TPO: variants seen among roughly 807,000 people sequenced by gnomAD.
The protein encoded by TPO is thyroid microsomal antigen.
A neutral mutation model predicts 96.9 loss-of-function variants in TPO; 78 were observed. That is an observed-to-expected ratio of 0.81 (90% CI 0.67 to 0.97). The LOEUF (loss-of-function observed/expected upper bound fraction) is 0.97, where lower values mean the gene tolerates loss of function less well. Ranked by LOEUF, TPO falls within the 50% of genes least tolerant of loss-of-function variation. The probability of loss-of-function intolerance (pLI) is 0.00; values close to 1 mark genes in which losing one functional copy is unlikely to be tolerated. For missense variants in TPO, 1,252 were observed against 1,274.8 expected, an observed-to-expected ratio of 0.98 and a Z score of 0.27; for synonymous variants, 547 against 538.0, an observed-to-expected ratio of 1.02 and a Z score of -0.23.
rs1219836766 is a variant in TPO at position 1,388,219 on chromosome 2, C to G, written n.180+13817C>G. ...ATCACAAACTCCATGCTGGGAGAAC[C>G]ATTACTCTCTTCAAACCTGTCAGAC... On this transcript the variant is annotated intron_variant and non_coding_transcript_variant, in intron 1 of 5. Transcript: ENST00000497517. 3.3e-5 allele frequency among the ~76,000 whole-genome samples: 5 copies of G among 152,326 alleles called. No homozygotes were observed. In the East Asian group the frequency reaches 7.7e-4, roughly 24 times the overall value.
intron 14 of TPO, among the ~76,000 whole-genome samples, chr2:1,505,343 T>A (rs1472097201): frequency 6.7e-6 from 1 of 148,600 alleles, no homozygotes; most frequent in Non-Finnish European, 1.5e-5. Context: ...CCCACCAGCT[T>A]GTGTCAGGCA....
intron 15 of TPO, among the ~76,000 whole-genome samples, chr2:1,531,682 T>G (rs1305615008): frequency 1.2e-5 from 1 of 80,146 alleles, no homozygotes; most frequent in Admixed American, 1.6e-4. Context: ...TCTCCCCAAA[T>G]CCCGCCCACT....
At chr2:1,399,207 C>T (rs1662129246) in intron 1 of TPO, among the ~76,000 whole-genome samples, 1 of 152,210 alleles carries the variant, frequency 6.6e-6, no homozygotes, top group Non-Finnish European at 1.5e-5. Flanking sequence ...TGTCCAGCCC[C>T]CCCGAGGGAG....
At chr2:1,538,103 CAA>C (rs1680278501) in intron 15 of TPO, among the ~76,000 whole-genome samples, 3 of 103,552 alleles carry the variant, frequency 2.9e-5, no homozygotes, top group Middle Eastern at 3.9e-3. Flanking sequence ...CCACTGTGTG[CAA>C]CCTCCTCAAA....
chr2:1,516,906 A>C lies in TPO; in HGVS notation c.2542A>C (p.Thr848Pro). 1 of 1,613,936 alleles carries C rather than the reference A, an allele frequency of 6.2e-7. No homozygotes were observed. The highest frequency in any genetic ancestry group is 8.5e-7 in the Non-Finnish European group (1 of 1,180,020). The part of the protein sequence containing the change: ...CVDSGRLPRV[T>P]WISMSLAALL... ...AGACTCCGGGAGGCTCCCTCGGGTG[A>C]CTTGGATCTCCATGTCGCTGGCTGC... The change falls in exon 15 of 17, where the codon ACT becomes CCT. Residue 848 changes from threonine to proline, a missense_variant. By Grantham distance (38) the Thr-to-Pro change is conservative (BLOSUM62 -1). Transcript: ENST00000329066.
At chr2:1,477,890 A>G (rs1426967301) in intron 8 of TPO, 1 of 985,280 alleles carries the variant, frequency 1.0e-6, no homozygotes, top group Non-Finnish European at 1.2e-6. Flanking sequence ...CTTACCCTCC[A>G]GCCGGCTGGT....
intron 15 of TPO, among the ~76,000 whole-genome samples, chr2:1,527,739 C>A: frequency 6.8e-6 from 1 of 147,368 alleles, no homozygotes; most frequent in African/African-American, 2.5e-5. Flanking sequence ...CACCAAATTT[C>A]TCCCACTCTG....
intron 5 of TPO, 147 bp downstream of exon 5, chr2:1,436,531 C>T (rs1448058313): frequency 1.6e-6 from 2 of 1,215,148 alleles, no homozygotes; most frequent in Admixed American, 4.0e-5. Context: ...CCCGACATGG[C>T]CTCCTGCATG....
chr2:1,386,154 A>G (rs1348369151), intron 1 of TPO, among the ~76,000 whole-genome samples: 1 of 152,146 alleles, frequency 6.6e-6, no homozygotes, highest in Non-Finnish European at 1.5e-5. Flanking sequence ...ATTTTGGAAT[A>G]GGTGCGGGTG....
chr2:1,436,178 A>G, intron 4 of TPO, 74 bp from the exon 5 acceptor site: 1 of 1,611,086 alleles, frequency 6.2e-7, no homozygotes, highest in Non-Finnish European at 8.5e-7. Context: ...GTCACTTTTG[A>G]GACTGCAATA....
intron 7 of TPO, among the ~76,000 whole-genome samples, chr2:1,470,658 A>T (rs563390333): frequency 9.9e-5 from 15 of 152,220 alleles, no homozygotes; most frequent in South Asian, 6.2e-4. Context: ...AGTAACATTT[A>T]AAAAAGCCAT....
intron 14 of TPO, among the ~76,000 whole-genome samples, chr2:1,507,089 AGCTTTCTACATATG>A (rs2125022206): frequency 6.6e-6 from 1 of 152,284 alleles, no homozygotes; most frequent in South Asian, 2.1e-4. Flanking sequence ...ATCCAGTTTC[AGCTTTCTACATATG>A]GCTAGCCAGT....
chr2:1,426,250 T>A (rs1362026697), intron 3 of TPO, among the ~76,000 whole-genome samples: 6 of 142,674 alleles, frequency 4.2e-5, no homozygotes, highest in Non-Finnish European at 7.6e-5. Flanking sequence ...GAGGTGAGTT[T>A]GATCATTTCA....
At chr2:1,440,034 G>T (rs1665989263) in intron 5 of TPO, among the ~76,000 whole-genome samples, 1 of 152,154 alleles carries the variant, frequency 6.6e-6, no homozygotes, top group African/African-American at 2.4e-5. Flanking sequence ...ACCAGCACCT[G>T]GTTCCCCACC....
At chr2:1,528,251 A>G (rs557740064) in intron 15 of TPO, among the ~76,000 whole-genome samples, 402 of 39,702 alleles carry the variant, frequency 0.01, 7 homozygotes, top group African/African-American at 0.039. Context: ...AATCCCCCCA[A>G]TGTAGGCAAC....
Position 1,456,140 on chromosome 2 carries a change from A to C in TPO, c.677A>C (p.Tyr226Ser), listed in dbSNP as rs1375982687. 1.2e-6 allele frequency: 2 copies of C among 1,614,110 alleles called. No individual in the cohort carries two copies. Among genetic ancestry groups the C allele is most frequent in the Non-Finnish European group, 1.7e-6 (2 of 1,180,038 alleles). The change falls in exon 7 of 17, where the codon TAT becomes TCT. Residue 226 changes from tyrosine (Y) to serine (S), a missense_variant. Physicochemically the swap from Tyr to Ser is moderately radical, Grantham distance 144. Transcript: ENST00000329066. ...GAGGTTGTCACAGATGATGACCGCT[A>C]TTCTGACCTCCTGATGGCATGGGGA... ...SNEVVTDDDR[Y>S]SDLLMAWGQY... is the part of the protein sequence containing the mutation.
At chr2:1,537,470 T>TCAAATACCCCCGTGTGCAACCTCCC (rs1480411869) in intron 15 of TPO, among the ~76,000 whole-genome samples, 1 of 46,440 alleles carries the variant, frequency 2.2e-5, no homozygotes, top group Admixed American at 2.5e-4. Flanking sequence ...TGCAACCTCC[T>TCAAATACCCCCGTGTGCAACCTCCC]CAAATTCTTC....
chr2:1,392,309 T>C (rs1662013657), intron 1 of TPO, among the ~76,000 whole-genome samples: 1 of 152,210 alleles, frequency 6.6e-6, no homozygotes, highest in Non-Finnish European at 1.5e-5. Flanking sequence ...ATTATGTTCA[T>C]TGATTTGCAT....
intron 1 of TPO, among the ~76,000 whole-genome samples, chr2:1,384,388 G>T (rs60565046): frequency 0.11 from 16,129 of 151,948 alleles, 1,645 homozygotes; most frequent in African/African-American, 0.27. Flanking sequence ...TTATTTCATT[G>T]AGCAGTGGTT....
Sources: allele counts gnomAD v4.1 joint callset (sites outside exome capture counted in the v4.1 genomes callset), GRCh38; gene constraint gnomAD v4.1.1; transcripts MANE v1.5; gene names NCBI Gene and HGNC (gene_info 2026-07-23, HGNC 2026-07-21).